MIPOL1: variants seen among roughly 807,000 people sequenced by gnomAD.
MIPOL1 encodes the protein mirror-image polydactyly gene 1 protein.
A neutral mutation model predicts 60.9 loss-of-function variants in MIPOL1; 57 were observed. That is an observed-to-expected ratio of 0.94 (90% CI 0.76 to 1.17). The LOEUF (loss-of-function observed/expected upper bound fraction) is 1.17. Ranked by LOEUF, MIPOL1 falls within the 50% of genes most tolerant of loss-of-function variation. The pLI, the probability that MIPOL1 is intolerant of heterozygous loss-of-function variation, is 0.00. For synonymous variants in MIPOL1, 179 were observed against 168.8 expected (o/e 1.06, Z -0.47); for missense variants, 551 against 511.6 (o/e 1.08, Z -0.74).
intron 10 of MIPOL1, among the ~76,000 whole-genome samples, chr14:37,418,818 C>T (rs998454377): frequency 3.9e-5 from 6 of 152,008 alleles, no homozygotes; most frequent in African/African-American, 1.2e-4. Context: ...CAAAAAGTGG[C>T]ATTGATTTGT....
intron 9 of MIPOL1, among the ~76,000 whole-genome samples, chr14:37,336,141 T>G (rs1348905729): frequency 6.6e-6 from 1 of 150,894 alleles, no homozygotes; most frequent in Admixed American, 6.6e-5. Flanking sequence ...GATATTCAGT[T>G]GTCTTTGAAC....
intron 9 of MIPOL1, among the ~76,000 whole-genome samples, chr14:37,319,643 G>A (rs2088332367): frequency 6.6e-6 from 1 of 152,094 alleles, no homozygotes; most frequent in Non-Finnish European, 1.5e-5. Context: ...TGAAAGCTAT[G>A]GAAGCTTCTA....
At chr14:37,345,796 T>A (rs1476436725) in intron 9 of MIPOL1, among the ~76,000 whole-genome samples, 6 of 152,194 alleles carry the variant, frequency 3.9e-5, no homozygotes, top group African/African-American at 1.2e-4. Flanking sequence ...TCGTATTTTT[T>A]AAAAATAAAA....
rs373285528 is a variant in MIPOL1 at position 37,364,214 on chromosome 14, C to T, written c.829-5303C>T. 5.3e-5 allele frequency among the ~76,000 whole-genome samples: 8 copies of T among 152,316 alleles called. No individual in the cohort carries two copies. In the East Asian group the frequency reaches 5.8e-4, roughly 11 times the overall value. On this transcript the variant is annotated intron_variant, in intron 9 of 12. Transcript: ENST00000684589. The stretch of plus-strand genomic sequence containing the variant: ...AAATGCAGAAATCACCAGTCTTCTA[C>T]GTGGATCACACTTGGATCTGCAGAC...
chr14:37,356,297 C>G (rs988171329), intron 9 of MIPOL1, among the ~76,000 whole-genome samples: 12 of 151,774 alleles, frequency 7.9e-5, no homozygotes, highest in African/African-American at 2.9e-4. Context: ...GGGAGAACCA[C>G]TGCTCTCTTC....
chr14:37,270,401 T>G lies in MIPOL1; in HGVS notation c.388-19T>G. The stretch of plus-strand genomic sequence containing the variant: ...CATTTGTCAAATAAGAATCCATGAT[T>G]TTTTTCAATGTGCTTTAGCTTCAGC... On this transcript the variant is annotated intron_variant, in intron 5 of 12. Transcript: ENST00000684589. The G allele has an allele frequency of 7.4e-7, 1 of 1,357,772 alleles. No homozygotes were observed. The highest frequency in any genetic ancestry group is 1.5e-5 in the South Asian group (1 of 67,294). The allele number at this position is 1,357,772 out of a possible 1,614,324, so 84.1% of individuals were successfully genotyped here. A position where few individuals can be genotyped will look rare whatever the true frequency, so the allele number is the denominator to read the frequency against.
intron 7 of MIPOL1, among the ~76,000 whole-genome samples, chr14:37,303,908 T>C (rs1042733576): frequency 6.6e-6 from 1 of 151,794 alleles, no homozygotes; most frequent in African/African-American, 2.4e-5. Context: ...GGAGTTCAGG[T>C]AGGGGGAAGA....
intron 12 of MIPOL1, among the ~76,000 whole-genome samples, chr14:37,526,952 C>T (rs1474930130): frequency 2.0e-5 from 3 of 152,052 alleles, no homozygotes. Flanking sequence ...AGTTGTTAGC[C>T]TTCCAGTGTG....
intron 11 of MIPOL1, among the ~76,000 whole-genome samples, chr14:37,499,054 G>T (rs1455147694): frequency 6.6e-6 from 1 of 151,986 alleles, no homozygotes; most frequent in African/African-American, 2.4e-5. Flanking sequence ...ATACTGAAAT[G>T]ATATTTAATA....
chr14:37,326,117 AC>A (rs1359935259), intron 9 of MIPOL1, among the ~76,000 whole-genome samples: 1 of 152,208 alleles, frequency 6.6e-6, no homozygotes, highest in Non-Finnish European at 1.5e-5. Context: ...GGATAAAAAA[AC>A]ATTGTATAAT....
Position 37,496,528 on chromosome 14 carries a change from T to G in MIPOL1, c.1032-3380T>G, listed in dbSNP as rs865790199. On this transcript the variant is annotated intron_variant, in intron 11 of 12. Transcript: ENST00000684589. ...AATAACAGACAAACAGAGAGCCAAA[T>G]CATGAGTGAACTCCCATTCACAATT... is the stretch of plus-strand genomic sequence containing the variant. Among the ~76,000 whole-genome samples the G allele has an allele frequency of 5.3e-4, 76 of 144,080 alleles. No homozygotes were observed. In the Middle Eastern group the frequency reaches 0.011, roughly 20 times the overall value. 94.5% of individuals were successfully genotyped at this position (144,080 alleles called of 152,430 possible). A position where few individuals can be genotyped will look rare whatever the true frequency, so the allele number is the denominator to read the frequency against.
At chr14:37,390,111 C>A (rs2093194087) in intron 10 of MIPOL1, among the ~76,000 whole-genome samples, 1 of 151,822 alleles carries the variant, frequency 6.6e-6, no homozygotes, top group Non-Finnish European at 1.5e-5. Context: ...CCCAGCTACT[C>A]CGGAGGCTGA....
At chr14:37,250,271 G>A (rs1973871343) in intron 3 of MIPOL1, among the ~76,000 whole-genome samples, 1 of 152,182 alleles carries the variant, frequency 6.6e-6, no homozygotes, top group African/African-American at 2.4e-5. Flanking sequence ...AAAAAGGTCA[G>A]ATGCGGTGGC....
intron 9 of MIPOL1, among the ~76,000 whole-genome samples, chr14:37,348,848 G>T: frequency 2.0e-5 from 2 of 100,286 alleles, no homozygotes; most frequent in East Asian, 3.3e-4. Flanking sequence ...TTTTTTTTTG[G>T]ACAGAGTCTC....
Position 37,219,169 on chromosome 14 carries a change from A to G in MIPOL1, c.-199+21065A>G, listed in dbSNP as rs1080054. On this transcript the variant is annotated intron_variant, in intron 1 of 12. Coordinates refer to ENST00000684589, the MANE Select transcript of MIPOL1 (RefSeq NM_001388067.1). ...GTTAGAGAAGATTGTGGTTAAACCAACTTGACAGGATTCTTGCTGAAGTCA... is the reference window on the plus strand; with the variant it reads ...GTTAGAGAAGATTGTGGTTAAACCAGCTTGACAGGATTCTTGCTGAAGTCA... Among the ~76,000 whole-genome samples, 957 of 152,202 alleles carry G rather than the reference A, an allele frequency of 6.3e-3. 5 individuals are homozygous for G. Among genetic ancestry groups the G allele is most frequent in the Non-Finnish European group, 9.0e-3 (611 of 68,008 alleles).
chr14:37,445,263 G>C (rs1231478837), intron 11 of MIPOL1, among the ~76,000 whole-genome samples: 2 of 152,038 alleles, frequency 1.3e-5, no homozygotes, highest in African/African-American at 4.8e-5. Flanking sequence ...AAAATCACAA[G>C]CATTCTTATA....
chr14:37,425,520 G>A (rs1179352900), intron 11 of MIPOL1, among the ~76,000 whole-genome samples: 6 of 152,082 alleles, frequency 3.9e-5, no homozygotes, highest in African/African-American at 7.2e-5. Context: ...TAAAGCCACT[G>A]GGATTTGCAA....
At chr14:37,422,727 C>A in intron 10 of MIPOL1, 128 bp from the exon 11 acceptor site, 2 of 620,392 alleles carry the variant, frequency 3.2e-6, no homozygotes, top group Admixed American at 3.2e-5. Flanking sequence ...TTATGAGACA[C>A]TGCTAAAAAC....
chr14:37,252,572 G>A (rs925483833), intron 3 of MIPOL1, among the ~76,000 whole-genome samples: 18 of 151,794 alleles, frequency 1.2e-4, no homozygotes, highest in African/African-American at 3.4e-4. Flanking sequence ...AAGTGGTTTG[G>A]TAGTTTCTTG....
Sources: gnomAD v4.1 joint callset for allele counts (sites outside exome capture counted in the v4.1 genomes callset) on GRCh38, gnomAD v4.1.1 for gene constraint, MANE v1.5 for transcripts, NCBI Gene and HGNC (gene_info 2026-07-23, HGNC 2026-07-21) for gene names.